GPC6: variants seen among roughly 807,000 people sequenced by gnomAD.
GPC6 encodes the protein glypican-6.
GPC6 carries 14 observed loss-of-function variants against 55.2 expected under a neutral mutation model. That is an observed-to-expected ratio of 0.25 (90% CI 0.17 to 0.40). The LOEUF is 0.40. Among genes scored for constraint, GPC6 ranks in the 10% least tolerant of loss-of-function variants. The pLI is 1.00. For missense variants in GPC6, 641 were observed against 708.5 expected (o/e 0.90, Z 1.08); for synonymous variants, 278 against 259.6 (o/e 1.07, Z -0.68).
chr13:93,433,238 T>C (rs925228858), intron 1 of GPC6, among the ~76,000 whole-genome samples: 1 of 152,140 alleles, frequency 6.6e-6, no homozygotes, highest in Admixed American at 6.6e-5. Context: ...TGAAATCTGG[T>C]TGGATGAGAT....
intron 4 of GPC6, among the ~76,000 whole-genome samples, chr13:94,094,964 G>C (rs1316269693): frequency 6.6e-6 from 1 of 151,844 alleles, no homozygotes; most frequent in East Asian, 1.9e-4. Flanking sequence ...ATTCTTCATT[G>C]GCTATATGAA....
At chr13:94,174,179 A>T (rs1888667805) in intron 4 of GPC6, among the ~76,000 whole-genome samples, 1 of 152,166 alleles carries the variant, frequency 6.6e-6, no homozygotes, top group African/African-American at 2.4e-5. Context: ...GAAAGAAATC[A>T]ATCTTTGGCA....
rs77844326 is a variant in GPC6 at position 94,070,017 on chromosome 13, C to T, written c.877+42123C>T. On this transcript the variant is annotated intron_variant, in intron 4 of 8. Transcript: ENST00000377047. ...CTACTGCTACCAATTTACTGTATTA[C>T]TTTGTTTTCAGGCTGCTAGTGAAGA... Among the ~76,000 whole-genome samples, 1,490 of 152,220 alleles carry T rather than the reference C, an allele frequency of 9.8e-3. 23 individuals carry two copies. Among genetic ancestry groups the T allele is most frequent in the African/African-American group, 0.033 (1,377 of 41,528 alleles).
chr13:94,326,588 T>A (rs1476267763), intron 6 of GPC6, among the ~76,000 whole-genome samples: 1 of 152,188 alleles, frequency 6.6e-6, no homozygotes, highest in African/African-American at 2.4e-5. Context: ...CCCACGTAAA[T>A]ACAGCCTCCC....
At chr13:93,873,114 A>AT (rs1056868716) in intron 3 of GPC6, among the ~76,000 whole-genome samples, 154 of 147,536 alleles carry the variant, frequency 1.0e-3, no homozygotes, top group African/African-American at 2.2e-3. Context: ...ACATTTTGTG[A>AT]TTTTTTTTTT....
intron 3 of GPC6, among the ~76,000 whole-genome samples, chr13:93,918,859 A>G (rs1014737876): frequency 2.0e-5 from 3 of 152,212 alleles, no homozygotes; most frequent in Admixed American, 1.3e-4. Flanking sequence ...CCCACCAATT[A>G]GTAAAAGAAA....
intron 1 of GPC6, among the ~76,000 whole-genome samples, chr13:93,241,323 T>G (rs987467206): frequency 6.6e-6 from 1 of 152,244 alleles, no homozygotes; most frequent in African/African-American, 2.4e-5. Flanking sequence ...TGTTGGAGAC[T>G]GTATTCATTT....
rs117086057 is a variant in GPC6, at chr13:93,851,065, T to C, written c.711+20520T>C. ...CTACTTCTGATTGTCATCCTTGTAA[T>C]TGGGCTTAATTCTAATTTTGGTGTA... On this transcript the variant is annotated intron_variant, in intron 3 of 8. Coordinates refer to ENST00000377047, the MANE Select transcript of GPC6 (RefSeq NM_005708.5). Among the ~76,000 whole-genome samples the C allele has an allele frequency of 4.6e-4, 70 of 152,078 alleles. No individual in the cohort carries two copies. In the East Asian group the frequency reaches 0.014, roughly 30 times the overall value.
chr13:94,016,920 C>T (rs1055850405), intron 3 of GPC6, among the ~76,000 whole-genome samples: 11 of 151,932 alleles, frequency 7.2e-5, no homozygotes, highest in Non-Finnish European at 2.9e-5. Flanking sequence ...CTGCAACCTC[C>T]GCCTCCTGGG....
At chr13:93,217,659 G>A in the GPC6 span, among the ~76,000 whole-genome samples, 1 of 152,106 alleles carries the variant, frequency 6.6e-6, no homozygotes, top group Non-Finnish European at 1.5e-5. Flanking sequence ...AAATAAGCTG[G>A]CTTAACCCTC....
intron 2 of GPC6, among the ~76,000 whole-genome samples, chr13:93,661,483 C>T (rs944064062): frequency 2.6e-5 from 4 of 152,048 alleles, no homozygotes; most frequent in African/African-American, 4.8e-5. Flanking sequence ...GGATTGTGCT[C>T]GTGAGCCACC....
chr13:93,776,424 G>T lies in GPC6; in HGVS notation c.320-53730G>T, dbSNP rs1297778417. Among the ~76,000 whole-genome samples the T allele has an allele frequency of 2.0e-5, 3 of 152,046 alleles. 1 individual carries two copies. The highest frequency in any genetic ancestry group is 4.1e-4 in the South Asian group (2 of 4,822). On this transcript the variant is annotated intron_variant, in intron 2 of 8. Transcript: ENST00000377047. ...ACAGATGGGGACAAATTGCCAAGTG[G>T]CAGAGCTGGGATTTGAACCCACACT...
At position 94,288,788 on chromosome 13, in the gene GPC6, A is replaced by AT. The variant is rs1429710842; in HGVS notation, c.1008+2309_1008+2310insT. 3.9e-4 allele frequency among the ~76,000 whole-genome samples: 26 copies of AT among 67,128 alleles called. 1 individual carries two copies. In the South Asian group the frequency reaches 0.01, roughly 27 times the overall value. 44.0% of individuals were successfully genotyped at this position (67,128 alleles called of 152,430 possible). ...ATATATATATATTTGTTATATATAT[A>AT]ATAAATATATATATTTGTTATATAT... On this transcript the variant is annotated intron_variant, in intron 5 of 8. Coordinates refer to ENST00000377047, the MANE Select transcript of GPC6 (RefSeq NM_005708.5).
chr13:93,556,650 A>T (rs905475591), intron 2 of GPC6, among the ~76,000 whole-genome samples: 2 of 148,990 alleles, frequency 1.3e-5, no homozygotes, highest in Non-Finnish European at 3.0e-5. Flanking sequence ...TTCTATAATA[A>T]TTTTTTTTTT....
chr13:94,390,528 G>C (rs527583186), intron 7 of GPC6, among the ~76,000 whole-genome samples: 2 of 152,284 alleles, frequency 1.3e-5, no homozygotes, highest in African/African-American at 4.8e-5. Flanking sequence ...GTCTTACATG[G>C]CTGGAGCAGG....
intron 6 of GPC6, among the ~76,000 whole-genome samples, chr13:94,338,325 G>A (rs1877834291): frequency 2.0e-5 from 3 of 152,110 alleles, no homozygotes; most frequent in South Asian, 4.1e-4. Context: ...ATGCAAATGG[G>A]GACAGAGAAC....
At chr13:93,399,748 T>A (rs1279514946) in intron 1 of GPC6, among the ~76,000 whole-genome samples, 2 of 152,176 alleles carry the variant, frequency 1.3e-5, no homozygotes, top group African/African-American at 2.4e-5. Flanking sequence ...GGCAGTGGTG[T>A]TTGATGGGCT....
intron 4 of GPC6, among the ~76,000 whole-genome samples, chr13:94,055,199 C>A (rs552901792): frequency 6.6e-6 from 1 of 152,344 alleles, no homozygotes; most frequent in Non-Finnish European, 1.5e-5. Flanking sequence ...AGCTGAGAAT[C>A]AGCCCTGGTG....
At chr13:93,684,380 A>G (rs1881966042) in intron 2 of GPC6, among the ~76,000 whole-genome samples, 2 of 151,810 alleles carry the variant, frequency 1.3e-5, no homozygotes, top group Admixed American at 6.6e-5. Context: ...TAGAGGTGGG[A>G]TTTCATCATG....
Sources: allele counts gnomAD v4.1 joint callset (sites outside exome capture counted in the v4.1 genomes callset), GRCh38; gene constraint gnomAD v4.1.1; transcripts MANE v1.5; gene names NCBI Gene and HGNC (gene_info 2026-07-23, HGNC 2026-07-21).